The following TG variants were observed in gnomAD, a reference collection of about 807,000 sequenced individuals.
The protein encoded by TG is thyroid hormones.
A neutral mutation model predicts 324.7 loss-of-function variants in TG; 270 were observed. The ratio of observed to expected loss-of-function variants is 0.83; its 90% CI spans 0.75 to 0.92. The LOEUF is 0.92. Ranked by LOEUF, TG falls within the 40% of genes least tolerant of loss-of-function variation. The pLI, the probability that TG is intolerant of heterozygous loss-of-function variation, is 0.00. For synonymous variants in TG, 1,401 were observed against 1,327.0 expected (o/e 1.06, Z -1.21); for missense variants, 3,591 against 3,456.4 (o/e 1.04, Z -0.98).
rs1350309058 is a variant in TG, at chr8:133,106,527, C to T, written c.7573-6895C>T. The T allele has an allele frequency of 9.8e-6, 9 of 918,704 alleles. No homozygotes were observed. The African/African-American group carries it at 1.4e-4, about 15-fold the overall frequency. The allele number at this position is 918,704 out of a possible 1,614,324, so 56.9% of individuals were successfully genotyped here. ...CAGCCCTCTGTTCTTTCTGGCTTCTCCCCTGCTCCTCTGCCCTCATCACTC... is the reference window on the plus strand; with the variant it reads ...CAGCCCTCTGTTCTTTCTGGCTTCTTCCCTGCTCCTCTGCCCTCATCACTC... On this transcript the variant is annotated intron_variant, in intron 43 of 47. Coordinates refer to ENST00000220616, the MANE Select transcript of TG (RefSeq NM_003235.5).
chr8:133,043,072 G>T (rs1455928729), intron 41 of TG, among the ~76,000 whole-genome samples: 1 of 152,164 alleles, frequency 6.6e-6, no homozygotes, highest in Non-Finnish European at 1.5e-5. Flanking sequence ...AAGGGGCATA[G>T]GAAACAGTTC....
At chr8:133,085,374 A>C (rs761264795) in intron 41 of TG, among the ~76,000 whole-genome samples, 3 of 152,242 alleles carry the variant, frequency 2.0e-5, no homozygotes, top group African/African-American at 4.8e-5. Flanking sequence ...ACAATTTAAA[A>C]AATTCTGTGC....
chr8:133,041,685 G>A (rs1169809061), intron 41 of TG, among the ~76,000 whole-genome samples: 1 of 151,800 alleles, frequency 6.6e-6, no homozygotes, highest in Non-Finnish European at 1.5e-5. Flanking sequence ...TTTTGACAAA[G>A]AGCAAAAGAA....
At chr8:133,020,988 C>T (rs949729801) in intron 39 of TG, among the ~76,000 whole-genome samples, 7 of 152,122 alleles carry the variant, frequency 4.6e-5, no homozygotes, top group East Asian at 3.9e-4. Flanking sequence ...CACGAGTTAC[C>T]GGGTGCCTGC....
intron 41 of TG, among the ~76,000 whole-genome samples, chr8:133,068,766 T>C (rs879615737): frequency 7.9e-5 from 12 of 152,224 alleles, no homozygotes; most frequent in Non-Finnish European, 1.6e-4. Context: ...GTGGCTTTGA[T>C]AGTTCATGGA....
chr8:133,049,293 C>A lies in TG; in HGVS notation c.7239+19270C>A, dbSNP rs1161970300. Reference sequence around the variant, plus strand: ...AAGGAAGGCACATAAGCATTTTTGGCAGTAAGGATTCTGTGTGTTTCTGGA... The same window carrying A: ...AAGGAAGGCACATAAGCATTTTTGGAAGTAAGGATTCTGTGTGTTTCTGGA... On this transcript the variant is annotated intron_variant, in intron 41 of 47. Transcript: ENST00000220616. 6.1e-5 allele frequency: 24 copies of A among 394,752 alleles called. 1 individual carries two copies. The highest frequency in any genetic ancestry group is 8.7e-5 in the Non-Finnish European group (17 of 195,334). 24.5% of individuals were successfully genotyped at this position (394,752 alleles called of 1,614,324 possible).
chr8:132,993,476 A>G (rs1832578507), intron 35 of TG, among the ~76,000 whole-genome samples: 1 of 152,192 alleles, frequency 6.6e-6, no homozygotes, highest in Non-Finnish European at 1.5e-5. Context: ...CTTAAAAGAG[A>G]TATTATACAT....
chr8:132,904,377 A>G (rs1393252275), intron 16 of TG, among the ~76,000 whole-genome samples: 2 of 152,244 alleles, frequency 1.3e-5, no homozygotes, highest in African/African-American at 4.8e-5. Context: ...TCTCTAAAGT[A>G]GCAGTAAGAA....
At chr8:133,006,690 C>G (rs1834044772) in intron 35 of TG, among the ~76,000 whole-genome samples, 1 of 152,204 alleles carries the variant, frequency 6.6e-6, no homozygotes. Flanking sequence ...AGTTTTGGTC[C>G]TGTTTTCAAA....
chr8:132,933,483 G>A (rs1823102407), intron 23 of TG, 78 bp from the exon 24 acceptor site: 1 of 1,117,860 alleles, frequency 8.9e-7, no homozygotes, highest in East Asian at 2.4e-5. Context: ...TGTGGGGCAG[G>A]GGCAGGGGGA....
At chr8:132,870,110 GA>G (rs1839343798) in intron 3 of TG, among the ~76,000 whole-genome samples, 1 of 152,056 alleles carries the variant, frequency 6.6e-6, no homozygotes, top group African/African-American at 2.4e-5. Context: ...CCTGAAATCA[GA>G]AAGTGACCAG....
At chr8:132,888,596 TG>T (rs1384779895) in intron 10 of TG, 28 bp downstream of exon 10, 1 of 911,952 alleles carries the variant, frequency 1.1e-6, no homozygotes, top group Non-Finnish European at 1.4e-6. Context: ...AAGAGTTAAA[TG>T]TGTGTGTGTG....
At chr8:132,968,517 C>G (rs935967291) in intron 31 of TG, among the ~76,000 whole-genome samples, 1 of 152,168 alleles carries the variant, frequency 6.6e-6, no homozygotes, top group South Asian at 2.1e-4. Flanking sequence ...TAACCCCATA[C>G]AGTCTGTTTT....
At chr8:132,957,746 C>A (rs1040874923) in intron 27 of TG, among the ~76,000 whole-genome samples, 5 of 105,510 alleles carry the variant, frequency 4.7e-5, no homozygotes, top group Admixed American at 2.2e-4. Context: ...GTAAACTACA[C>A]ACACACACAC....
chr8:132,882,045 T>C (rs1814716766), intron 6 of TG, 76 bp downstream of exon 6: 1 of 1,104,920 alleles, frequency 9.1e-7, no homozygotes, highest in Non-Finnish European at 1.4e-6. Context: ...TAACATTGCT[T>C]GTAAAGCACA....
intron 22 of TG, among the ~76,000 whole-genome samples, chr8:132,926,592 A>G: frequency 6.6e-6 from 1 of 152,170 alleles, no homozygotes; most frequent in South Asian, 2.1e-4. Flanking sequence ...GATTCTTTGA[A>G]ACTATTTCCT....
intron 35 of TG, among the ~76,000 whole-genome samples, chr8:133,005,215 C>G (rs534705022): frequency 2.6e-5 from 4 of 152,230 alleles, no homozygotes; most frequent in African/African-American, 9.6e-5. Flanking sequence ...ACCGCAGGCA[C>G]ACTGCGCAGG....
intron 8 of TG, among the ~76,000 whole-genome samples, chr8:132,884,017 G>A (rs944390284): frequency 3.9e-5 from 6 of 152,140 alleles, no homozygotes; most frequent in Non-Finnish European, 8.8e-5. Context: ...TTGGTTTAGG[G>A]CAGCATTACT....
In TG at chr8:132,972,750, C is replaced by T. The variant is rs774744977; in HGVS notation, c.6199+9C>T. 5 of 1,613,922 alleles carry T rather than the reference C, an allele frequency of 3.1e-6. No homozygotes were observed. Among genetic ancestry groups the T allele is most frequent in the African/African-American group, 1.3e-5 (1 of 74,970 alleles). ...ATGGTACCAGAAGCCCAGTAAGTACCCTTCTCATGACAGCTATATGGACGT... is the reference window on the plus strand; with the variant it reads ...ATGGTACCAGAAGCCCAGTAAGTACTCTTCTCATGACAGCTATATGGACGT... On this transcript the variant is annotated intron_variant, in intron 34 of 47. Coordinates refer to ENST00000220616, the MANE Select transcript of TG (RefSeq NM_003235.5).
Sources: allele counts gnomAD v4.1 joint callset (sites outside exome capture counted in the v4.1 genomes callset), GRCh38; gene constraint gnomAD v4.1.1; transcripts MANE v1.5; gene names NCBI Gene and HGNC (gene_info 2026-07-23, HGNC 2026-07-21).